The following DCBLD1 variants were observed in gnomAD, a reference collection of about 807,000 sequenced individuals.
DCBLD1 encodes the protein discoidin, CUB and LCCL domain containing 1.
In DCBLD1, 57 loss-of-function variants were observed where a neutral mutation model predicts 71.5. The observed-to-expected ratio is 0.80, with a 90% CI of 0.64 to 0.99. DCBLD1 has a LOEUF of 0.99. Ranked by LOEUF, DCBLD1 falls within the 50% of genes least tolerant of loss-of-function variation. The pLI is 0.00. For synonymous variants in DCBLD1, 380 were observed against 363.8 expected (o/e 1.04, Z -0.51); for missense variants, 891 against 923.5 (o/e 0.96, Z 0.46).
At chr6:117,565,051 TTAG>T (rs1266642353) in intron 14 of DCBLD1, among the ~76,000 whole-genome samples, 2 of 152,166 alleles carry the variant, frequency 1.3e-5, no homozygotes, top group Non-Finnish European at 2.9e-5. Flanking sequence ...GTTTCCCATA[TTAG>T]TAGGTAAAAT....
At chr6:117,522,035 C>A (rs1778403036) in intron 4 of DCBLD1, among the ~76,000 whole-genome samples, 1 of 152,040 alleles carries the variant, frequency 6.6e-6, no homozygotes, top group Non-Finnish European at 1.5e-5. Flanking sequence ...TTGGGAGTGA[C>A]CTTTAAAATT....
intron 7 of DCBLD1, 122 bp from the exon 8 acceptor site, chr6:117,538,498 T>G (rs1006914302): frequency 2.0e-5 from 18 of 895,630 alleles, no homozygotes; most frequent in Non-Finnish European, 2.7e-5. Flanking sequence ...ATTAAACACT[T>G]TATTCCATAT....
downstream of DCBLD1, among the ~76,000 whole-genome samples, chr6:117,554,643 C>G (rs1779473256): frequency 6.6e-6 from 1 of 152,018 alleles, no homozygotes; most frequent in Non-Finnish European, 1.5e-5. Context: ...GCCTGTAATC[C>G]CAGCACTTTG....
chr6:117,518,105 C>T (rs937296166), intron 2 of DCBLD1, among the ~76,000 whole-genome samples: 2 of 152,176 alleles, frequency 1.3e-5, no homozygotes, highest in Admixed American at 1.3e-4. Flanking sequence ...ATGCCTTTAA[C>T]AGTACCCAAG....
intron 1 of DCBLD1, among the ~76,000 whole-genome samples, chr6:117,483,252 G>A (rs368302145): frequency 6.6e-6 from 1 of 152,202 alleles, no homozygotes; most frequent in Admixed American, 6.5e-5. Flanking sequence ...CTGACCCCGA[G>A]GGTCGCCTTA....
At chr6:117,556,418 A>C (rs1022968143) in intron 14 of DCBLD1, among the ~76,000 whole-genome samples, 1 of 152,100 alleles carries the variant, frequency 6.6e-6, no homozygotes, top group Non-Finnish European at 1.5e-5. Flanking sequence ...TCCACTCTAT[A>C]TATGTCCATG....
rs2114361163 is a variant in DCBLD1 at position 117,488,782 on chromosome 6, C to A, written c.112+5889C>A. ...TGATCCACTGATTTAGACCGGGGGT[C>A]CCCTATGGTCTGCTAATGCTTATAC... On this transcript the variant is annotated intron_variant, in intron 1 of 14. Coordinates refer to ENST00000338728, the MANE Select transcript of DCBLD1 (RefSeq NM_001366458.2). Among the ~76,000 whole-genome samples, 4 of 152,306 alleles carry A rather than the reference C, an allele frequency of 2.6e-5. No homozygotes were observed. The South Asian group carries it at 8.3e-4, about 32-fold the overall frequency.
chr6:117,516,347 G>A (rs1331015532), intron 2 of DCBLD1, among the ~76,000 whole-genome samples: 2 of 149,220 alleles, frequency 1.3e-5, no homozygotes, highest in Non-Finnish European at 3.0e-5. Context: ...GGGACAGAGC[G>A]AGACTCCATC....
At chr6:117,554,878 C>T (rs571395114) in intron 14 of DCBLD1, among the ~76,000 whole-genome samples, 1 of 137,196 alleles carries the variant, frequency 7.3e-6, no homozygotes, top group African/African-American at 2.8e-5. Flanking sequence ...GGCAACAGAG[C>T]GAGACTCAGT....
intron 6 of DCBLD1, among the ~76,000 whole-genome samples, chr6:117,532,838 T>C (rs1018562875): frequency 6.6e-6 from 1 of 152,356 alleles, no homozygotes; most frequent in Non-Finnish European, 1.5e-5. Flanking sequence ...AAAGATGGCC[T>C]TTGTTAACAC....
Position 117,549,139 on chromosome 6 carries a change from C to G in DCBLD1, c.*700C>G. 1.0e-6 allele frequency: 1 copy of G among 985,494 alleles called. No homozygotes were observed. Among genetic ancestry groups the G allele is most frequent in the Non-Finnish European group, 1.2e-6 (1 of 830,036 alleles). 61.0% of individuals were successfully genotyped at this position (985,494 alleles called of 1,614,324 possible). ...TTAGTCTCCACTTCAGAGGGGGATG[C>G]GAAGAGGTCGGCCCAGCTCCGGTGA... is the stretch of plus-strand genomic sequence containing the variant. On this transcript the variant is annotated 3_prime_UTR_variant, in exon 15 of 15. Transcript: ENST00000338728.
intron 2 of DCBLD1, among the ~76,000 whole-genome samples, chr6:117,515,918 A>G (rs1778181161): frequency 6.6e-6 from 1 of 152,170 alleles, no homozygotes; most frequent in South Asian, 2.1e-4. Flanking sequence ...AGTCTGTTGG[A>G]GATAAAGGGA....
intron 6 of DCBLD1, 126 bp from the exon 7 acceptor site, chr6:117,537,059 G>A: frequency 1.2e-6 from 1 of 845,738 alleles, no homozygotes; most frequent in Non-Finnish European, 2.0e-6. Flanking sequence ...GGTTTGCAGG[G>A]GTGTTGTGAG....
chr6:117,499,285 T>C (rs1368090202), intron 1 of DCBLD1, among the ~76,000 whole-genome samples: 1 of 147,572 alleles, frequency 6.8e-6, no homozygotes, highest in Non-Finnish European at 1.5e-5. Flanking sequence ...TGTGTGCCTG[T>C]AGTTCCAGCT....
chr6:117,495,294 A>G (rs1232619322), intron 1 of DCBLD1, among the ~76,000 whole-genome samples: 1 of 152,240 alleles, frequency 6.6e-6, no homozygotes, highest in Non-Finnish European at 1.5e-5. Flanking sequence ...TTAGGATCAT[A>G]CAGCCAATGG....
At chr6:117,503,552 T>G (rs1777733553) in intron 1 of DCBLD1, 1 of 569,170 alleles carries the variant, frequency 1.8e-6, no homozygotes, top group South Asian at 2.3e-5. Flanking sequence ...TGAAATGTTT[T>G]GATCAACAAG....
chr6:117,544,588 A>G lies in DCBLD1; in HGVS notation c.1495+11A>G. The G allele has an allele frequency of 1.3e-5, 21 of 1,613,822 alleles. No homozygotes were observed. The highest frequency in any genetic ancestry group is 1.8e-5 in the Non-Finnish European group (21 of 1,179,930). ...AGGCTCAGAAAACAGGTTGGTTGAA[A>G]ACTCTATCTACAATTTTATCTGTCT... On this transcript the variant is annotated intron_variant, in intron 13 of 14. Transcript: ENST00000338728.
chr6:117,544,264 A>G (rs941909900), intron 12 of DCBLD1: 3 of 359,642 alleles, frequency 8.3e-6, no homozygotes, highest in African/African-American at 4.2e-5. Flanking sequence ...GATAAACTTA[A>G]TAAGGCACTG....
At position 117,544,494 on chromosome 6, in the gene DCBLD1, T is replaced by C. The variant is rs367820797; in HGVS notation, c.1446-34T>C. On this transcript the variant is annotated intron_variant, in intron 12 of 14. Transcript: ENST00000338728. ...GGAGAGAGAGGCAGATACATTGGCT[T>C]ATAAATATTCAGTAGGACTTTTTGT... The C allele has an allele frequency of 3.3e-5, 53 of 1,611,664 alleles. No homozygotes were observed. The African/African-American group carries it at 6.5e-4, about 20-fold the overall frequency.
Sources: gnomAD v4.1 joint callset for allele counts (sites outside exome capture counted in the v4.1 genomes callset) on GRCh38, gnomAD v4.1.1 for gene constraint, MANE v1.5 for transcripts, NCBI Gene and HGNC (gene_info 2026-07-23, HGNC 2026-07-21) for gene names.